BBX: variants seen among roughly 807,000 people sequenced by gnomAD.
BBX encodes HMG box transcription factor BBX.
In BBX, 30 loss-of-function variants were observed where a neutral mutation model predicts 100.2. That is an observed-to-expected ratio of 0.30 (90% CI 0.22 to 0.41). BBX has a LOEUF of 0.41. BBX is among the 10% of genes least tolerant of loss of function. BBX has a pLI of 1.00. For missense variants in BBX, 1,023 were observed against 1,129.8 expected, an observed-to-expected ratio of 0.91 and a Z score of 1.35; for synonymous variants, 376 against 388.1, an observed-to-expected ratio of 0.97 and a Z score of 0.37.
chr3:107,656,283 G>A (rs531256557), intron 3 of BBX, among the ~76,000 whole-genome samples: 12 of 152,130 alleles, frequency 7.9e-5, no homozygotes, highest in Middle Eastern at 6.8e-3. Context: ...TCTTTGTCCC[G>A]TGTATCAATA....
chr3:107,611,509 T>C (rs1424361222), intron 2 of BBX, among the ~76,000 whole-genome samples: 2 of 152,190 alleles, frequency 1.3e-5, no homozygotes, highest in Non-Finnish European at 2.9e-5. Flanking sequence ...GATATACTAT[T>C]CTAGTGTAAA....
chr3:107,748,498 A>T (rs1383726442), intron 9 of BBX, among the ~76,000 whole-genome samples: 1 of 152,212 alleles, frequency 6.6e-6, no homozygotes. Context: ...AGCTTCAGCC[A>T]GTATTTTTAT....
intron 2 of BBX, among the ~76,000 whole-genome samples, chr3:107,555,096 A>G (rs551947774): frequency 1.3e-5 from 2 of 152,122 alleles, no homozygotes; most frequent in East Asian, 3.9e-4. Context: ...AACAACAACA[A>G]CAACAAAATA....
intron 2 of BBX, among the ~76,000 whole-genome samples, chr3:107,615,632 GA>G (rs931936977): frequency 1.3e-5 from 2 of 152,046 alleles, no homozygotes; most frequent in Admixed American, 1.3e-4. Flanking sequence ...AATTTTGAAG[GA>G]ACACATTCAG....
chr3:107,564,189 A>G (rs759180229), intron 2 of BBX, among the ~76,000 whole-genome samples: 4 of 151,924 alleles, frequency 2.6e-5, no homozygotes, highest in Non-Finnish European at 5.9e-5. Context: ...TGACCTGCTT[A>G]TATGTCTTGC....
intron 13 of BBX, among the ~76,000 whole-genome samples, chr3:107,782,647 G>A (rs1030922901): frequency 2.0e-5 from 3 of 152,030 alleles, no homozygotes; most frequent in African/African-American, 7.2e-5. Context: ...GAATGTTCTG[G>A]AAAGGTTATT....
intron 3 of BBX, chr3:107,661,702 C>G (rs2058452302): frequency 1.0e-5 from 2 of 200,980 alleles, no homozygotes; most frequent in Non-Finnish European, 1.8e-5. Context: ...GCTGCTTAAT[C>G]TCTCCATTAA....
chr3:107,528,063 A>G (rs2047901422), intron 2 of BBX, among the ~76,000 whole-genome samples: 1 of 152,236 alleles, frequency 6.6e-6, no homozygotes, highest in Non-Finnish European at 1.5e-5. Context: ...TGACTGCTTC[A>G]TTAAAACAAT....
chr3:107,743,324 G>T (rs1218209015), intron 7 of BBX, among the ~76,000 whole-genome samples: 1 of 152,110 alleles, frequency 6.6e-6, no homozygotes, highest in Non-Finnish European at 1.5e-5. Flanking sequence ...CAATAAAGGA[G>T]TTCTCAATTT....
intron 2 of BBX, among the ~76,000 whole-genome samples, chr3:107,559,460 A>G (rs551175463): frequency 6.6e-6 from 1 of 152,306 alleles, no homozygotes; most frequent in South Asian, 2.1e-4. Flanking sequence ...TTAAGGGGAT[A>G]CCAGTCCTTT....
chr3:107,738,219 C>CT (rs1376433804), intron 7 of BBX, among the ~76,000 whole-genome samples: 1 of 151,786 alleles, frequency 6.6e-6, no homozygotes, highest in Non-Finnish European at 1.5e-5. Context: ...CCTTACAACA[C>CT]TGATTATATT....
In BBX at chr3:107,595,606, A is replaced by G. The variant is rs1481866723; in HGVS notation, c.-83-50230A>G. 9.9e-5 allele frequency among the ~76,000 whole-genome samples: 15 copies of G among 152,218 alleles called. 1 individual carries two copies. The highest frequency in any genetic ancestry group is 9.8e-4 in the Admixed American group (15 of 15,282). ...GGATTTGACACCGAAATGAATGATG[A>G]TCAGAGATTAAAATTGTATTAGGCC... On this transcript the variant is annotated intron_variant, in intron 2 of 17. Coordinates refer to ENST00000325805, the MANE Select transcript of BBX (RefSeq NM_001142568.3).
intron 2 of BBX, among the ~76,000 whole-genome samples, chr3:107,618,682 G>C (rs73850110): frequency 6.6e-6 from 1 of 151,804 alleles, no homozygotes; most frequent in African/African-American, 2.4e-5. Flanking sequence ...TAGTTTCCAT[G>C]TGTTGGGGTA....
At chr3:107,619,608 T>C (rs1420097469) in intron 2 of BBX, among the ~76,000 whole-genome samples, 1 of 152,076 alleles carries the variant, frequency 6.6e-6, no homozygotes, top group Non-Finnish European at 1.5e-5. Context: ...ATTGAATGTT[T>C]TTAGCTGCTC....
intron 3 of BBX, among the ~76,000 whole-genome samples, chr3:107,693,992 CTCTG>C (rs1398839529): frequency 2.7e-5 from 4 of 150,004 alleles, no homozygotes; most frequent in Non-Finnish European, 5.9e-5. Flanking sequence ...TGATTTGGCT[CTCTG>C]TCTGTTGTTG....
intron 10 of BBX, among the ~76,000 whole-genome samples, chr3:107,763,811 C>T (rs2066128508): frequency 6.6e-6 from 1 of 152,134 alleles, no homozygotes. Context: ...ACATCACTGT[C>T]AGATCCTTCT....
intron 2 of BBX, among the ~76,000 whole-genome samples, chr3:107,548,466 TTTTGGGAGATG>T (rs1281059277): frequency 6.6e-6 from 1 of 152,076 alleles, no homozygotes; most frequent in Non-Finnish European, 1.5e-5. Flanking sequence ...TTGGGAGATG[TTTTGGGAGATG>T]TTTGGGAGAT....
intron 2 of BBX, among the ~76,000 whole-genome samples, chr3:107,546,136 C>G (rs921462776): frequency 2.0e-5 from 3 of 152,168 alleles, no homozygotes; most frequent in Non-Finnish European, 4.4e-5. Context: ...CTAGCTCGGA[C>G]TCATTAGATA....
rs544163355 is a variant in BBX, at chr3:107,681,998, C to T, written c.-9-28454C>T. Among the ~76,000 whole-genome samples the T allele has an allele frequency of 2.0e-5, 3 of 152,214 alleles. No individual in the cohort carries two copies. The South Asian group carries it at 6.2e-4, about 32-fold the overall frequency. ...ATAAAGCTAACATGAAATAAAATCACACACATTCAACGTGCTTCATAACAG... is the reference window on the plus strand; with the variant it reads ...ATAAAGCTAACATGAAATAAAATCATACACATTCAACGTGCTTCATAACAG... On this transcript the variant is annotated intron_variant, in intron 3 of 17. Coordinates refer to ENST00000325805, the MANE Select transcript of BBX (RefSeq NM_001142568.3).
Sources: allele counts gnomAD v4.1 joint callset (sites outside exome capture counted in the v4.1 genomes callset), GRCh38; gene constraint gnomAD v4.1.1; transcripts MANE v1.5; gene names NCBI Gene and HGNC (gene_info 2026-07-23, HGNC 2026-07-21).